Variants in KCNIP4 observed in about 807,000 individuals in gnomAD.
The protein encoded by KCNIP4 is potassium voltage-gated channel interacting protein 4, also known as Kv channel-interacting protein 4.
KCNIP4 carries 12 observed loss-of-function variants against 34.0 expected under a neutral mutation model. That is an observed-to-expected ratio of 0.35 (90% CI 0.23 to 0.57). The LOEUF (loss-of-function observed/expected upper bound fraction) is 0.57, where lower values mean the gene tolerates loss of function less well. Among genes scored for constraint, KCNIP4 ranks in the 20% least tolerant of loss-of-function variants. KCNIP4 has a pLI of 0.83. For missense variants in KCNIP4, 238 were observed against 311.7 expected, an observed-to-expected ratio of 0.76 and a Z score of 1.78; for synonymous variants, 124 against 102.2, an observed-to-expected ratio of 1.21 and a Z score of -1.29.
chr4:21,105,595 C>T (rs999657922), intron 1 of KCNIP4, among the ~76,000 whole-genome samples: 3 of 151,608 alleles, frequency 2.0e-5, no homozygotes, highest in African/African-American at 7.3e-5. Context: ...ATTTCCTTCT[C>T]CTGCCTAATT....
At chr4:21,833,384 G>A (rs1175345385) in intron 1 of KCNIP4, among the ~76,000 whole-genome samples, 11 of 152,270 alleles carry the variant, frequency 7.2e-5, no homozygotes, top group Admixed American at 2.0e-4. Flanking sequence ...CTGCATAAAT[G>A]TCTTCTTTTG....
chr4:20,776,374 AT>A (rs2149385997), intron 3 of KCNIP4, among the ~76,000 whole-genome samples: 1 of 152,262 alleles, frequency 6.6e-6, no homozygotes, highest in East Asian at 1.9e-4. Context: ...TAATATTTGG[AT>A]TTAAATAATA....
chr4:21,775,635 C>T (rs1258327376), intron 1 of KCNIP4, among the ~76,000 whole-genome samples: 3 of 152,102 alleles, frequency 2.0e-5, no homozygotes, highest in Non-Finnish European at 2.9e-5. Flanking sequence ...CAGGGAGATT[C>T]GAATTCTGTC....
At chr4:21,265,930 CATA>C (rs1408636688) in intron 1 of KCNIP4, among the ~76,000 whole-genome samples, 1 of 152,146 alleles carries the variant, frequency 6.6e-6, no homozygotes, top group African/African-American at 2.4e-5. Flanking sequence ...TCAGTAAGAC[CATA>C]ATAATGATTG....
At chr4:21,895,493 A>G (rs1324258566) in intron 1 of KCNIP4, among the ~76,000 whole-genome samples, 1 of 152,194 alleles carries the variant, frequency 6.6e-6, no homozygotes, top group Non-Finnish European at 1.5e-5. Flanking sequence ...GTGTAACCAC[A>G]GCAACCTCTC....
chr4:21,943,644 G>A (rs1312093093), intron 1 of KCNIP4, among the ~76,000 whole-genome samples: 2 of 152,134 alleles, frequency 1.3e-5, no homozygotes, highest in East Asian at 1.9e-4. Context: ...ATTTTCGTAG[G>A]AGCCTTGAAA....
At chr4:21,936,035 T>C (rs944425855) in intron 1 of KCNIP4, among the ~76,000 whole-genome samples, 3 of 151,630 alleles carry the variant, frequency 2.0e-5, no homozygotes, top group South Asian at 2.1e-4. Flanking sequence ...TATCAAATAA[T>C]AGTATAGCAT....
At position 20,803,717 on chromosome 4, in the gene KCNIP4, G is replaced by A. The variant is rs1431345714; in HGVS notation, c.289-44827C>T. ...AGAGAGAGAGAAAGAGAGAGAGAGA[G>A]AGAGAGAGAGAGGAAGGAAGGAAGG... On this transcript the variant is annotated intron_variant, in intron 3 of 8. Transcript: ENST00000382152. 4.8e-4 allele frequency among the ~76,000 whole-genome samples: 63 copies of A among 131,068 alleles called. 1 individual carries two copies. In the South Asian group the frequency reaches 0.016, roughly 33 times the overall value. The allele number at this position is 131,068 out of a possible 152,430, so 86.0% of individuals were successfully genotyped here.
rs1023170253 is a variant in KCNIP4, at chr4:21,131,089, C to A, written c.62-248380G>T. ...AACGTATTTCTGTATATATATGCTC[C>A]CCGAAGGTATGTAGTAGATTGTTCA... is the stretch of plus-strand genomic sequence containing the variant. On this transcript the variant is annotated intron_variant, in intron 1 of 8. Coordinates refer to ENST00000382152, the MANE Select transcript of KCNIP4 (RefSeq NM_025221.6). Among the ~76,000 whole-genome samples the A allele has an allele frequency of 2.0e-5, 3 of 151,894 alleles. No homozygotes were observed. In the East Asian group the frequency reaches 5.8e-4, roughly 29 times the overall value.
intron 1 of KCNIP4, among the ~76,000 whole-genome samples, chr4:20,938,634 C>T (rs1287054193): frequency 6.6e-6 from 1 of 152,190 alleles, no homozygotes; most frequent in African/African-American, 2.4e-5. Context: ...GACTGAGCCC[C>T]TCACAGCTTC....
chr4:21,911,207 A>G (rs1473762227), intron 1 of KCNIP4, among the ~76,000 whole-genome samples: 1 of 152,174 alleles, frequency 6.6e-6, no homozygotes, highest in Non-Finnish European at 1.5e-5. Flanking sequence ...TAATTAAGAT[A>G]TGAAAGATGG....
At chr4:21,617,111 G>A (rs1363210283) in intron 1 of KCNIP4, among the ~76,000 whole-genome samples, 3 of 152,164 alleles carry the variant, frequency 2.0e-5, no homozygotes, top group Admixed American at 6.5e-5. Flanking sequence ...CCTTGATAAT[G>A]AGTTTATAAG....
chr4:21,392,500 C>G (rs1275171404), intron 1 of KCNIP4, among the ~76,000 whole-genome samples: 1 of 152,198 alleles, frequency 6.6e-6, no homozygotes, highest in Non-Finnish European at 1.5e-5. Flanking sequence ...TGAGCACTCA[C>G]AAGCTATGGA....
At chr4:20,797,485 A>C (rs1288770136) in intron 3 of KCNIP4, among the ~76,000 whole-genome samples, 1 of 152,188 alleles carries the variant, frequency 6.6e-6, no homozygotes, top group Non-Finnish European at 1.5e-5. Context: ...ATCTCTGGGA[A>C]TGTGAATTTA....
chr4:20,984,389 C>A (rs1047144473), intron 1 of KCNIP4, among the ~76,000 whole-genome samples: 5 of 152,160 alleles, frequency 3.3e-5, no homozygotes, highest in Admixed American at 3.3e-4. Flanking sequence ...GAGAAGCTTG[C>A]GAATGGCCCC....
chr4:21,770,025 T>C (rs1212665820), intron 1 of KCNIP4, among the ~76,000 whole-genome samples: 1 of 152,128 alleles, frequency 6.6e-6, no homozygotes, highest in Non-Finnish European at 1.5e-5. Context: ...AAAAGAAAGA[T>C]ACATGTGCGG....
chr4:20,866,013 A>G (rs1722841618), intron 2 of KCNIP4, among the ~76,000 whole-genome samples: 1 of 152,008 alleles, frequency 6.6e-6, no homozygotes, highest in Non-Finnish European at 1.5e-5. Flanking sequence ...AGTCAGTAAT[A>G]AAGAACCTGC....
Position 21,700,733 on chromosome 4 carries a change from A to G in KCNIP4, c.61+247838T>C, listed in dbSNP as rs1370182119. On this transcript the variant is annotated intron_variant, in intron 1 of 8. Coordinates refer to ENST00000382152, the MANE Select transcript of KCNIP4 (RefSeq NM_025221.6). The stretch of plus-strand genomic sequence containing the variant: ...CAGTAGTATCACAGTTCCAGGTTTT[A>G]CATTTAAGTATTTAATCTATTTTGA... Among the ~76,000 whole-genome samples, 5 of 152,036 alleles carry G rather than the reference A, an allele frequency of 3.3e-5. 1 individual carries two copies. Among genetic ancestry groups the G allele is most frequent in the Admixed American group, 1.3e-4 (2 of 15,252 alleles).
chr4:21,206,010 C>T (rs775460913), intron 1 of KCNIP4, among the ~76,000 whole-genome samples: 9 of 152,212 alleles, frequency 5.9e-5, no homozygotes, highest in Non-Finnish European at 1.3e-4. Context: ...CTGTAAGGCA[C>T]TAACACACAT....
Sources: allele counts gnomAD v4.1 joint callset (sites outside exome capture counted in the v4.1 genomes callset), GRCh38; gene constraint gnomAD v4.1.1; transcripts MANE v1.5; gene names NCBI Gene and HGNC (gene_info 2026-07-23, HGNC 2026-07-21).